GNAS-AS1: variants seen among roughly 807,000 people sequenced by gnomAD.
The protein encoded by GNAS-AS1 is GNAS antisense RNA 1.
intron 4 of GNAS-AS1, chr20:58,839,974 T>G (rs1006953165): frequency 2.2e-6 from 2 of 919,418 alleles, no homozygotes; most frequent in Non-Finnish European, 3.4e-6. Flanking sequence ...CACAAGGAGG[T>G]GAGGCTGGGA....
intron 4 of GNAS-AS1, chr20:58,839,015 A>G (rs1203449491): frequency 1.5e-5 from 6 of 398,126 alleles, no homozygotes; most frequent in Non-Finnish European, 2.7e-5. Flanking sequence ...GCAGGAGAGA[A>G]GTGGTTGTGT....
At chr20:58,848,606 G>C (rs756827917) in intron 2 of GNAS-AS1, among the ~76,000 whole-genome samples, 1 of 152,128 alleles carries the variant, frequency 6.6e-6, no homozygotes, top group East Asian at 1.9e-4. Flanking sequence ...TCCAGCACTG[G>C]CCATCTCCCT....
chr20:58,831,969 G>C (rs1178352998), intron 4 of GNAS-AS1, among the ~76,000 whole-genome samples: 2 of 152,118 alleles, frequency 1.3e-5, no homozygotes, highest in Non-Finnish European at 2.9e-5. Context: ...ACTGGCATTT[G>C]GGAACCGCTG....
chr20:58,843,069 G>A (rs942924422), intron 2 of GNAS-AS1, among the ~76,000 whole-genome samples: 1 of 152,132 alleles, frequency 6.6e-6, no homozygotes, highest in Non-Finnish European at 1.5e-5. Flanking sequence ...GTAGCGAGGA[G>A]GGGCAATCTA....
At chr20:58,825,714 T>C (rs1455654747) in intron 4 of GNAS-AS1, among the ~76,000 whole-genome samples, 1 of 152,190 alleles carries the variant, frequency 6.6e-6, no homozygotes, top group Non-Finnish European at 1.5e-5. Flanking sequence ...ATTTCTAAGG[T>C]ACTTTTGCGC....
At chr20:58,818,933 G>T (rs77501163) in exon 5 of GNAS-AS1, 135 of 398,332 alleles carry the variant, frequency 3.4e-4, no homozygotes, top group Non-Finnish European at 5.1e-4. Context: ...GGGTGCATCT[G>T]GGAGGGCCTG....
At chr20:58,819,541 G>C (rs1048689636) in intron 4 of GNAS-AS1, among the ~76,000 whole-genome samples, 2 of 152,200 alleles carry the variant, frequency 1.3e-5, no homozygotes, top group African/African-American at 4.8e-5. Context: ...AATGAAATGG[G>C]TGTGGAGTCC....
chr20:58,827,142 T>G (rs1256836351), intron 4 of GNAS-AS1, among the ~76,000 whole-genome samples: 1 of 152,154 alleles, frequency 6.6e-6, no homozygotes, highest in East Asian at 1.9e-4. Flanking sequence ...GCCCTCTCCT[T>G]GTGGCAAATT....
At position 58,840,139 on chromosome 20, in the gene GNAS-AS1, C is replaced by T; in HGVS notation, n.819+1798G>A. ...GGAGGTCCCGGGCTCAGCAGTGGCGCCGAGCTCGCCATAATTACAACGACC... is the reference window on the plus strand; with the variant it reads ...GGAGGTCCCGGGCTCAGCAGTGGCGTCGAGCTCGCCATAATTACAACGACC... On this transcript the variant is annotated intron_variant and non_coding_transcript_variant, in intron 4 of 4. Transcript: ENST00000424094. This position sits in a 1 kb window ranked among gnomAD's most constrained non-coding sequence, Gnocchi z 6.0. The T allele has an allele frequency of 2.5e-6, 4 of 1,611,584 alleles. No homozygotes were observed. The highest frequency in any genetic ancestry group is 3.4e-6 in the Non-Finnish European group (4 of 1,179,980).
intron 4 of GNAS-AS1, among the ~76,000 whole-genome samples, chr20:58,830,676 CACCACT>C (rs1462536610): frequency 7.8e-6 from 1 of 128,892 alleles, no homozygotes; most frequent in East Asian, 2.3e-4. Flanking sequence ...CCATCACCAT[CACCACT>C]ACCATCACAA....
At chr20:58,827,766 A>G (rs1300709064) in intron 4 of GNAS-AS1, among the ~76,000 whole-genome samples, 2 of 152,246 alleles carry the variant, frequency 1.3e-5, no homozygotes, top group Non-Finnish European at 2.9e-5. Flanking sequence ...TTTCAAGATG[A>G]CATCCTCTAT....
chr20:58,833,420 G>A (rs1013725959), intron 4 of GNAS-AS1, among the ~76,000 whole-genome samples: 2 of 152,292 alleles, frequency 1.3e-5, no homozygotes, highest in South Asian at 2.1e-4. Flanking sequence ...CATTTCTGAC[G>A]TTGAGAGGCC....
At chr20:58,820,562 T>G (rs573498987) in intron 4 of GNAS-AS1, among the ~76,000 whole-genome samples, 1 of 152,368 alleles carries the variant, frequency 6.6e-6, no homozygotes, top group South Asian at 2.1e-4. Context: ...CTCTCCCAGA[T>G]GGACCCTGTA....
intron 4 of GNAS-AS1, among the ~76,000 whole-genome samples, chr20:58,829,962 A>T (rs1456077520): frequency 6.6e-6 from 1 of 152,122 alleles, no homozygotes. Flanking sequence ...TGTGCAGACC[A>T]AACTCTACAG....
At chr20:58,844,215 C>T (rs1455780479) in intron 2 of GNAS-AS1, 1 of 152,176 alleles carries the variant, frequency 6.6e-6, no homozygotes, top group East Asian at 1.9e-4. Context: ...AAGCATGTCT[C>T]CTAACTGCTT....
At chr20:58,849,463 G>A (rs1051335322) in intron 1 of GNAS-AS1, among the ~76,000 whole-genome samples, 4 of 152,170 alleles carry the variant, frequency 2.6e-5, no homozygotes, top group African/African-American at 9.7e-5. Flanking sequence ...ATCTTTGTAA[G>A]TACGATTGCC....
chr20:58,845,016 G>A (rs1028591031), intron 2 of GNAS-AS1, among the ~76,000 whole-genome samples: 3 of 139,968 alleles, frequency 2.1e-5, no homozygotes, highest in Admixed American at 7.4e-5. Flanking sequence ...CCTGAGAGTC[G>A]TATTTAGTGT....
chr20:58,823,543 G>A (rs1021404563), intron 4 of GNAS-AS1, among the ~76,000 whole-genome samples: 2 of 152,308 alleles, frequency 1.3e-5, no homozygotes, highest in Admixed American at 6.5e-5. Flanking sequence ...CCCGTCTCCC[G>A]ACCCCAGTGG....
At chr20:58,825,715 A>G (rs1484398422) in intron 4 of GNAS-AS1, among the ~76,000 whole-genome samples, 24 of 152,156 alleles carry the variant, frequency 1.6e-4, no homozygotes, top group Non-Finnish European at 4.4e-5. Context: ...TTTCTAAGGT[A>G]CTTTTGCGCT....
Sources: gnomAD v4.1 joint callset for allele counts (sites outside exome capture counted in the v4.1 genomes callset) on GRCh38, gnomAD v4.1.1 for gene constraint, Gnocchi (gnomAD v3.1) non-coding constraint, MANE v1.5 for transcripts, NCBI Gene and HGNC (gene_info 2026-07-23, HGNC 2026-07-21) for gene names.